LRATD1: variants seen among roughly 807,000 people sequenced by gnomAD.
LRATD1 encodes the protein protein LRATD1.
LRATD1 carries 8 observed loss-of-function variants against 21.3 expected under a neutral mutation model. The observed-to-expected ratio is 0.38, with a 90% CI of 0.22 to 0.68. The LOEUF (loss-of-function observed/expected upper bound fraction) is 0.68. Among genes scored for constraint, LRATD1 ranks in the 30% least tolerant of loss-of-function variants. The probability of loss-of-function intolerance (pLI) is 0.54; values close to 1 mark genes in which losing one functional copy is unlikely to be tolerated. For synonymous variants in LRATD1, 210 were observed against 186.2 expected, an observed-to-expected ratio of 1.13 and a Z score of -1.04; for missense variants, 380 against 404.0, an observed-to-expected ratio of 0.94 and a Z score of 0.51.
In LRATD1 at chr2:14,634,050, T is replaced by C. The variant is rs762007756; in HGVS notation, c.71T>C (p.Ile24Thr). The C allele has an allele frequency of 8.1e-6, 13 of 1,614,050 alleles. No individual in the cohort carries two copies. The East Asian group carries it at 2.7e-4, about 33-fold the overall frequency. The change falls in exon 2 of 2, where the codon ATT (isoleucine) becomes ACT (threonine). Residue 24 changes from isoleucine to threonine, a missense_variant. Physicochemically the swap from Ile to Thr is moderately conservative, Grantham distance 89. Transcript: ENST00000295092. ...SELPTGDPSG[I>T]EKDELRVGVA... The stretch of plus-strand genomic sequence containing the variant: ...TTGCCCACAGGGGACCCGTCGGGGA[T>C]TGAAAAGGACGAACTGCGGGTCGGG...
Position 14,635,602 on chromosome 2 carries a change from G to A in LRATD1, c.*744G>A. On this transcript the variant is annotated 3_prime_UTR_variant, in exon 2 of 2. Transcript: ENST00000295092. ...GCGAGTCTCCCTCGCTGGCAGAAGG[G>A]AAGCCGGCCCGGTCCCGGGAGGAAG... 1 of 471,066 alleles carries A rather than the reference G, an allele frequency of 2.1e-6. No individual in the cohort carries two copies. The highest frequency in any genetic ancestry group is 4.4e-6 in the Non-Finnish European group (1 of 227,036). The allele number at this position is 471,066 out of a possible 1,614,324, so 29.2% of individuals were successfully genotyped here.
At chr2:14,651,052 C>A (rs1671998003), downstream of LRATD1, among the ~76,000 whole-genome samples, 1 of 152,096 alleles carries the variant, frequency 6.6e-6, no homozygotes, top group Non-Finnish European at 1.5e-5. Flanking sequence ...TAATTTCCAT[C>A]CTGCTCATCC....
rs1323952226 is a variant in LRATD1, at chr2:14,636,591, CCTAA to C, written c.*1736_*1739del. ...CTCCTCCCTCCAGCTGCGGCCCCAG[CCTAA>C]CTGATAGTTACTTGATTCAGTGTGC... On this transcript the variant is annotated 3_prime_UTR_variant, in exon 2 of 2. Transcript: ENST00000295092. 2 of 167,140 alleles carry C rather than the reference CCTAA, an allele frequency of 1.2e-5. No individual in the cohort carries two copies. The highest frequency in any genetic ancestry group is 2.4e-5 in the African/African-American group (1 of 41,468). 10.4% of individuals were successfully genotyped at this position (167,140 alleles called of 1,614,324 possible).
In LRATD1 at chr2:14,635,218, G is replaced by A. The variant is rs1221406775; in HGVS notation, c.*360G>A. The A allele has an allele frequency of 1.8e-6, 1 of 571,348 alleles. No homozygotes were observed. The highest frequency in any genetic ancestry group is 1.5e-5 in the South Asian group (1 of 65,444). The allele number at this position is 571,348 out of a possible 1,614,324, so 35.4% of individuals were successfully genotyped here. ...CCGCGAGTCCATGGCCAGTGACTGT[G>A]GCCCGACTCGAAAACAACCCTCTTC... On this transcript the variant is annotated 3_prime_UTR_variant, in exon 2 of 2. Transcript: ENST00000295092.
At chr2:14,647,174 C>T (rs1194154317) in intron 4 of LRATD1, among the ~76,000 whole-genome samples, 1 of 152,160 alleles carries the variant, frequency 6.6e-6, no homozygotes, top group African/African-American at 2.4e-5. Flanking sequence ...ACATAAAAGG[C>T]AATCAGCAGA....
chr2:14,648,826 T>C (rs1281828886), intron 4 of LRATD1, among the ~76,000 whole-genome samples: 3 of 152,162 alleles, frequency 2.0e-5, no homozygotes, highest in Admixed American at 6.5e-5. Context: ...ATCTGCCAAA[T>C]CACCACATCA....
Position 14,634,286 on chromosome 2 carries a change from C to T in LRATD1, c.307C>T (p.Pro103Ser). The T allele has an allele frequency of 6.2e-7, 1 of 1,603,496 alleles. No individual in the cohort carries two copies. The highest frequency in any genetic ancestry group is 2.2e-5 in the East Asian group (1 of 44,768). The change falls in exon 2 of 2, where the codon CCT becomes TCT. Residue 103 changes from proline to serine, a missense_variant. Transcript: ENST00000295092. ...ECIFSKVSGG[P>S]QGADLSVYAV... ...CATCTTTTCCAAAGTGAGCGGTGGC[C>T]CTCAGGGCGCCGACCTAAGCGTCTA...
Position 14,636,241 on chromosome 2 carries a change from A to C in LRATD1, c.*1383A>C, listed in dbSNP as rs765847222. ...GTTAATTAATGTGTATATTGTACTG[A>C]ATTTCTGTCAGTTAAGGGGTTCACT... On this transcript the variant is annotated 3_prime_UTR_variant, in exon 2 of 2. Transcript: ENST00000295092. 2.4e-5 allele frequency: 4 copies of C among 167,632 alleles called. No individual in the cohort carries two copies. Among genetic ancestry groups the C allele is most frequent in the Non-Finnish European group, 5.8e-5 (4 of 68,616 alleles). 10.4% of individuals were successfully genotyped at this position (167,632 alleles called of 1,614,324 possible).
chr2:14,638,490 C>T lies in LRATD1; in HGVS notation c.*3632C>T, dbSNP rs547485844. 1 of 166,998 alleles carries T rather than the reference C, an allele frequency of 6.0e-6. No individual in the cohort carries two copies. The highest frequency in any genetic ancestry group is 2.1e-4 in the South Asian group (1 of 4,826). 10.3% of individuals were successfully genotyped at this position (166,998 alleles called of 1,614,324 possible). A position where few individuals can be genotyped will look rare whatever the true frequency, so the allele number is the denominator to read the frequency against. On this transcript the variant is annotated 3_prime_UTR_variant, in exon 2 of 2. Coordinates refer to ENST00000295092, the MANE Select transcript of LRATD1 (RefSeq NM_145175.4). ...TCTGTGGTGAACACTTTTGTTAGAA[C>T]ATGGCTTTTTTATTTTTCTTGGAAA...
In LRATD1 at chr2:14,637,854, C is replaced by T. The variant is rs1239044576; in HGVS notation, c.*2996C>T. On this transcript the variant is annotated 3_prime_UTR_variant, in exon 2 of 2. Coordinates refer to ENST00000295092, the MANE Select transcript of LRATD1 (RefSeq NM_145175.4). ...ATTTTACCAGAGTTACAGCAATTAC[C>T]TGAAAAGTTTCCTAACATTTTAATA... 1 of 166,920 alleles carries T rather than the reference C, an allele frequency of 6.0e-6. No homozygotes were observed. The highest frequency in any genetic ancestry group is 2.4e-5 in the African/African-American group (1 of 41,388). The allele number at this position is 166,920 out of a possible 1,614,324, so 10.3% of individuals were successfully genotyped here. A position where few individuals can be genotyped will look rare whatever the true frequency, so the allele number is the denominator to read the frequency against.
intron 4 of LRATD1, chr2:14,649,294 G>T: frequency 2.2e-6 from 1 of 456,574 alleles, no homozygotes. Flanking sequence ...TAAAAACATT[G>T]TGTTTTTCTT....
At position 14,637,159 on chromosome 2, in the gene LRATD1, A is replaced by G. The variant is rs1671707167; in HGVS notation, c.*2301A>G. The G allele has an allele frequency of 6.0e-6, 1 of 167,046 alleles. No individual in the cohort carries two copies. Among genetic ancestry groups the G allele is most frequent in the African/African-American group, 2.4e-5 (1 of 41,446 alleles). The allele number at this position is 167,046 out of a possible 1,614,324, so 10.3% of individuals were successfully genotyped here. A position where few individuals can be genotyped will look rare whatever the true frequency, so the allele number is the denominator to read the frequency against. ...TCTTTATTGTATCTACACACTCCAC[A>G]TTCTTTACTGTGTCCTACTACTGTA... On this transcript the variant is annotated 3_prime_UTR_variant, in exon 2 of 2. Coordinates refer to ENST00000295092, the MANE Select transcript of LRATD1 (RefSeq NM_145175.4).
In LRATD1 at chr2:14,633,915, G is replaced by C. The variant is rs998639813; in HGVS notation, c.-36-29G>C. On this transcript the variant is annotated intron_variant, in intron 1 of 1. Coordinates refer to ENST00000295092, the MANE Select transcript of LRATD1 (RefSeq NM_145175.4). This position sits in a 1 kb window ranked among gnomAD's most constrained non-coding sequence, Gnocchi z 7.5. ...CGAAAGGGGCAGCCCGGACTCTGACGGTGTCTCTGCCTCTCTGTGCCTCCG... is the reference window on the plus strand; with the variant it reads ...CGAAAGGGGCAGCCCGGACTCTGACCGTGTCTCTGCCTCTCTGTGCCTCCG... 1.2e-5 allele frequency: 19 copies of C among 1,544,320 alleles called. No homozygotes were observed. In the Admixed American group the frequency reaches 1.8e-4, roughly 15 times the overall value.
At chr2:14,650,064 G>T (rs1671978795), downstream of LRATD1, 1 of 152,216 alleles carries the variant, frequency 6.6e-6, no homozygotes, top group African/African-American at 2.4e-5. Context: ...AGTGTATATT[G>T]TTTATAAGCT....
At chr2:14,651,577 A>G (rs1002227592), downstream of LRATD1, among the ~76,000 whole-genome samples, 4 of 151,140 alleles carry the variant, frequency 2.6e-5, no homozygotes, top group African/African-American at 9.7e-5. Context: ...TAATTTTCCC[A>G]CTCTGGCAGT....
Position 14,633,625 on chromosome 2 carries a change from T to C in LRATD1, c.-36-319T>C. Reference sequence around the variant, plus strand: ...CTTCCTGGGTGTCCGTCTCCCACACTGCCACAGCCAGCACTCTCCTCCCCA... The same window carrying C: ...CTTCCTGGGTGTCCGTCTCCCACACCGCCACAGCCAGCACTCTCCTCCCCA... On this transcript the variant is annotated intron_variant, in intron 1 of 1. Transcript: ENST00000295092. This position sits in a 1 kb window ranked among gnomAD's most constrained non-coding sequence, Gnocchi z 7.5. 3.8e-6 allele frequency: 1 copy of C among 261,212 alleles called. No individual in the cohort carries two copies. The highest frequency in any genetic ancestry group is 7.4e-6 in the Non-Finnish European group (1 of 135,990). 16.2% of individuals were successfully genotyped at this position (261,212 alleles called of 1,614,324 possible). A position where few individuals can be genotyped will look rare whatever the true frequency, so the allele number is the denominator to read the frequency against.
At chr2:14,643,185 AT>A (rs1380450379), downstream of LRATD1, among the ~76,000 whole-genome samples, 1 of 152,114 alleles carries the variant, frequency 6.6e-6, no homozygotes, top group African/African-American at 2.4e-5. Flanking sequence ...CACTATTCTG[AT>A]TTCAGAAATC....
At chr2:14,649,229 G>A (rs1056945098) in intron 4 of LRATD1, 4 of 454,468 alleles carry the variant, frequency 8.8e-6, no homozygotes, top group South Asian at 6.2e-5. Flanking sequence ...GGATGGTGGA[G>A]GAAGGCTAGT....
rs769752404 is a variant in LRATD1, at chr2:14,634,864, T to C, written c.*6T>C. 3 of 1,605,404 alleles carry C rather than the reference T, an allele frequency of 1.9e-6. No individual in the cohort carries two copies. Among genetic ancestry groups the C allele is most frequent in the Non-Finnish European group, 2.6e-6 (3 of 1,174,776 alleles). On this transcript the variant is annotated 3_prime_UTR_variant, in exon 2 of 2. Transcript: ENST00000295092. ...TCGTGGACGACAAGGAGTAGCCGCC[T>C]AGGGGCTGCCGGCCCCTCTGCCTCC...
Sources: gnomAD v4.1 joint callset for allele counts (sites outside exome capture counted in the v4.1 genomes callset) on GRCh38, gnomAD v4.1.1 for gene constraint, Gnocchi (gnomAD v3.1) non-coding constraint, MANE v1.5 for transcripts, NCBI Gene and HGNC (gene_info 2026-07-23, HGNC 2026-07-21) for gene names.